The following SIPA1L3 variants were observed in gnomAD, a reference collection of about 807,000 sequenced individuals.
The protein encoded by SIPA1L3 is signal-induced proliferation-associated 1-like protein 3.
A neutral mutation model predicts 150.1 loss-of-function variants in SIPA1L3; 59 were observed. The ratio of observed to expected loss-of-function variants is 0.39; its 90% CI spans 0.32 to 0.49. The LOEUF (loss-of-function observed/expected upper bound fraction) is 0.49. SIPA1L3 is among the 20% of genes least tolerant of loss of function. SIPA1L3 has a pLI of 0.86. For synonymous variants in SIPA1L3, 1,070 were observed against 1,077.6 expected, an observed-to-expected ratio of 0.99 and a Z score of 0.14; for missense variants, 2,211 against 2,489.5, an observed-to-expected ratio of 0.89 and a Z score of 2.38.
chr19:37,914,826 T>C (rs1324674780), intron 1 of SIPA1L3, among the ~76,000 whole-genome samples: 3 of 152,184 alleles, frequency 2.0e-5, no homozygotes, highest in African/African-American at 7.2e-5. Flanking sequence ...AAAATAATAA[T>C]AATGATAGCA....
chr19:38,072,769 G>A (rs773598083), intron 2 of SIPA1L3, among the ~76,000 whole-genome samples: 5 of 152,378 alleles, frequency 3.3e-5, no homozygotes, highest in African/African-American at 9.6e-5. Flanking sequence ...GAGTCCTGGC[G>A]ACAGGGAAAG....
intron 18 of SIPA1L3, among the ~76,000 whole-genome samples, chr19:38,195,802 GCCCCCCC>G: frequency 4.9e-5 from 1 of 20,254 alleles, no homozygotes; most frequent in Non-Finnish European, 1.0e-4. Context: ...GTCCCCCCCC[GCCCCCCC>G]GGGTTTCTCT....
chr19:37,959,645 T>C (rs2046839818), intron 1 of SIPA1L3, among the ~76,000 whole-genome samples: 1 of 152,210 alleles, frequency 6.6e-6, no homozygotes, highest in Non-Finnish European at 1.5e-5. Flanking sequence ...ATTTCATTCA[T>C]TGACGTTTGA....
chr19:38,141,539 T>A, intron 11 of SIPA1L3, 104 bp downstream of exon 11: 1 of 1,258,206 alleles, frequency 7.9e-7, no homozygotes, highest in Non-Finnish European at 1.1e-6. Context: ...CTTCCTCGCC[T>A]CAAGCTTTCG....
intron 13 of SIPA1L3, among the ~76,000 whole-genome samples, chr19:38,153,359 G>T (rs879385118): frequency 6.6e-6 from 1 of 152,150 alleles, no homozygotes; most frequent in East Asian, 1.9e-4. Context: ...AACTTTTATG[G>T]ACATACGGCA....
chr19:38,131,753 C>G (rs1971312984), intron 10 of SIPA1L3: 1 of 152,454 alleles, frequency 6.6e-6, no homozygotes, highest in African/African-American at 2.4e-5. Context: ...CTGCCTCAGC[C>G]TCCCGAGTAG....
chr19:37,939,630 A>C (rs2046634901), intron 1 of SIPA1L3, among the ~76,000 whole-genome samples: 1 of 152,186 alleles, frequency 6.6e-6, no homozygotes. Context: ...TCTAGCCATT[A>C]CGTCCCAGGA....
chr19:37,994,026 C>G (rs1404693050), intron 1 of SIPA1L3, among the ~76,000 whole-genome samples: 1 of 152,072 alleles, frequency 6.6e-6, no homozygotes, highest in African/African-American at 2.4e-5. Flanking sequence ...TTCCAAGAAG[C>G]TGGGACTATA....
chr19:38,191,373 C>T (rs1972799768), intron 16 of SIPA1L3, among the ~76,000 whole-genome samples: 1 of 151,260 alleles, frequency 6.6e-6, no homozygotes, highest in African/African-American at 2.4e-5. Context: ...GCATTCCAGC[C>T]TGGGCAACGG....
chr19:38,195,679 C>T lies in SIPA1L3; in HGVS notation c.4840+1899C>T, dbSNP rs148143556. 3.3e-5 allele frequency among the ~76,000 whole-genome samples: 5 copies of T among 152,168 alleles called. No individual in the cohort carries two copies. In the South Asian group the frequency reaches 6.2e-4, roughly 19 times the overall value. On this transcript the variant is annotated intron_variant, in intron 18 of 21. Coordinates refer to ENST00000222345, the MANE Select transcript of SIPA1L3 (RefSeq NM_015073.3). ...CAGGCATAGACTCCACAGGCCGATCCGAATTCCTCCAGCTTGCTGTACCTC... is the reference window on the plus strand; with the variant it reads ...CAGGCATAGACTCCACAGGCCGATCTGAATTCCTCCAGCTTGCTGTACCTC...
intron 3 of SIPA1L3, among the ~76,000 whole-genome samples, chr19:38,085,280 A>C (rs1447614175): frequency 6.6e-6 from 1 of 151,724 alleles, no homozygotes; most frequent in Admixed American, 6.6e-5. Context: ...GGAGATTGAG[A>C]CCATCCTGGC....
chr19:38,104,992 C>G (rs989451643), intron 6 of SIPA1L3, among the ~76,000 whole-genome samples: 1 of 152,138 alleles, frequency 6.6e-6, no homozygotes, highest in East Asian at 1.9e-4. Flanking sequence ...GGCTCCCAAC[C>G]TGGCTCTGGC....
At chr19:38,204,287 C>T in intron 21 of SIPA1L3, 79 bp downstream of exon 21, 9 of 1,229,046 alleles carry the variant, frequency 7.3e-6, no homozygotes, top group Non-Finnish European at 8.1e-6. Flanking sequence ...AGGCACCTGC[C>T]CCCGCCATGC....
intron 3 of SIPA1L3, among the ~76,000 whole-genome samples, chr19:38,085,137 A>G (rs1321785830): frequency 1.3e-5 from 2 of 152,082 alleles, no homozygotes; most frequent in African/African-American, 4.8e-5. Context: ...GATTATATCA[A>G]TATCACATGC....
chr19:38,149,772 A>G (rs1344063146), intron 12 of SIPA1L3, among the ~76,000 whole-genome samples: 1 of 152,210 alleles, frequency 6.6e-6, no homozygotes, highest in African/African-American at 2.4e-5. Context: ...CATTGGCCAG[A>G]GCTGCAAGGG....
chr19:38,106,519 C>T lies in SIPA1L3; in HGVS notation c.2030-18C>T. ...AGAGGTTTTGGAAACATGGTCCTAA[C>T]TGGCATTTCTGTTTCAGCCGACTCC... On this transcript the variant is annotated intron_variant, in intron 6 of 21. Transcript: ENST00000222345. 6.4e-7 allele frequency: 1 copy of T among 1,551,188 alleles called. No homozygotes were observed. Among genetic ancestry groups the T allele is most frequent in the Non-Finnish European group, 8.9e-7 (1 of 1,122,506 alleles).
chr19:37,957,540 ATTTT>A, intron 1 of SIPA1L3, among the ~76,000 whole-genome samples: 1 of 149,854 alleles, frequency 6.7e-6, no homozygotes, highest in African/African-American at 2.5e-5. Context: ...TGTGAATGGA[ATTTT>A]TTTTTCTTTT....
In SIPA1L3 at chr19:38,098,138, G is replaced by C. The variant is rs143787689; in HGVS notation, c.1666-1824G>C. ...AACTGCACCTTCATAAATGTGACTT[G>C]TTATTAAGGTATATAAGTTAGACAT... is the stretch of plus-strand genomic sequence containing the variant. On this transcript the variant is annotated intron_variant, in intron 4 of 21. Transcript: ENST00000222345. Among the ~76,000 whole-genome samples, 124 of 152,316 alleles carry C rather than the reference G, an allele frequency of 8.1e-4. 3 individuals are homozygous for C. In the East Asian group the frequency reaches 0.018, roughly 22 times the overall value.
chr19:38,101,253 G>A, intron 6 of SIPA1L3, 27 bp downstream of exon 6: 1 of 1,475,176 alleles, frequency 6.8e-7, no homozygotes, highest in Non-Finnish European at 9.1e-7. Flanking sequence ...TTAGATCACA[G>A]TGAGCCACCA....
Sources: gnomAD v4.1 joint callset for allele counts (sites outside exome capture counted in the v4.1 genomes callset) on GRCh38, gnomAD v4.1.1 for gene constraint, MANE v1.5 for transcripts, NCBI Gene and HGNC (gene_info 2026-07-23, HGNC 2026-07-21) for gene names.